The following TRPC5 variants were observed in gnomAD, a reference collection of about 807,000 sequenced individuals.
TRPC5 encodes transient receptor potential cation channel subfamily C member 5.
In TRPC5, 9 loss-of-function variants were observed where a neutral mutation model predicts 56.5. The observed-to-expected ratio is 0.16, with a 90% CI of 0.10 to 0.28. TRPC5 has a LOEUF of 0.28. TRPC5 is among the 10% of genes least tolerant of loss of function. The pLI, the probability that TRPC5 is intolerant of heterozygous loss-of-function variation, is 1.00. For missense variants in TRPC5, 469 were observed against 748.9 expected, an observed-to-expected ratio of 0.63 and a Z score of 4.36; for synonymous variants, 282 against 278.5, an observed-to-expected ratio of 1.01 and a Z score of -0.13.
chrX:111,977,131 G>GA (rs200098509), intron 1 of TRPC5, among the ~76,000 whole-genome samples: 86 of 109,125 alleles, frequency 7.9e-4, no homozygotes, highest in South Asian at 2.7e-3. Flanking sequence ...TTAAAAAATA[G>GA]AAAAAAAAAT....
chrX:112,077,840 C>A (rs1602427490), intron 1 of TRPC5, among the ~76,000 whole-genome samples: 1 of 112,171 alleles, frequency 8.9e-6, no homozygotes, highest in South Asian at 3.7e-4. Context: ...TTGTACTCTG[C>A]TCTAAAAACC....
Position 111,853,981 on chromosome X carries a change from G to A in TRPC5, c.1026C>T (p.Pro342=). Residue 342 remains proline, a synonymous_variant, in exon 4 of 11, where the codon CCC becomes CCT. Transcript: ENST00000262839. ...AGATCAGGTAGGCTATAGACAGCAT[G>A]GGAAACAGGAACCCAATGGTCATGC... is the stretch of plus-strand genomic sequence containing the variant. ...LTCMTIGFLF[P]MLSIAYLISP... 1 of 1,211,936 alleles carries A rather than the reference G, an allele frequency of 8.3e-7. No homozygotes were observed. The highest frequency in any genetic ancestry group is 1.1e-6 in the Non-Finnish European group (1 of 895,541).
At chrX:111,927,617 G>A (rs1926294172) in intron 2 of TRPC5, among the ~76,000 whole-genome samples, 1 of 110,764 alleles carries the variant, frequency 9.0e-6, no homozygotes, top group Admixed American at 9.6e-5. Flanking sequence ...CAGGGAACTG[G>A]GCAGGTCATT....
At chrX:111,792,109 A>G (rs907512183) in intron 7 of TRPC5, among the ~76,000 whole-genome samples, 3 of 112,313 alleles carry the variant, frequency 2.7e-5, no homozygotes, top group African/African-American at 9.7e-5. Flanking sequence ...CATATACACC[A>G]TGGAATACTA....
chrX:111,894,958 T>C (rs1924992522), intron 3 of TRPC5, among the ~76,000 whole-genome samples: 1 of 110,879 alleles, frequency 9.0e-6, no homozygotes, highest in Non-Finnish European at 1.9e-5. Flanking sequence ...GTAAATGTAG[T>C]GATATGGTAG....
chrX:111,783,722 T>G (rs1401794969), intron 7 of TRPC5, among the ~76,000 whole-genome samples: 1 of 111,156 alleles, frequency 9.0e-6, no homozygotes, highest in Non-Finnish European at 1.9e-5. Context: ...CTTTTCATTC[T>G]CTTAATGATG....
chrX:112,042,353 C>A (rs1179291998), intron 1 of TRPC5, among the ~76,000 whole-genome samples: 1 of 111,164 alleles, frequency 9.0e-6, no homozygotes, highest in Admixed American at 9.6e-5. Context: ...CACATTGGAC[C>A]TGGGGACTCT....
At chrX:111,957,480 A>T (rs192932162) in intron 1 of TRPC5, among the ~76,000 whole-genome samples, 1 of 112,281 alleles carries the variant, frequency 8.9e-6, no homozygotes, top group Non-Finnish European at 1.9e-5. Flanking sequence ...ACTTTTAGAC[A>T]GTTACCACTG....
chrX:111,912,145 C>G, intron 3 of TRPC5, 146 bp downstream of exon 3: 1 of 616,903 alleles, frequency 1.6e-6, no homozygotes, highest in Middle Eastern at 5.5e-4. Flanking sequence ...TTGTCTGTGC[C>G]TCGGATAAAT....
chrX:111,906,491 G>A (rs1243208589), intron 3 of TRPC5, among the ~76,000 whole-genome samples: 1 of 111,763 alleles, frequency 8.9e-6, no homozygotes, highest in Non-Finnish European at 1.9e-5. Flanking sequence ...TAAACTTGGG[G>A]GAACACGCCT....
chrX:111,891,644 G>A (rs777415953), intron 3 of TRPC5, among the ~76,000 whole-genome samples: 2 of 111,397 alleles, frequency 1.8e-5, no homozygotes, highest in African/African-American at 3.3e-5. Flanking sequence ...GGGTTCAAGC[G>A]ATTCTCCTGC....
At chrX:111,846,468 G>A (rs1452892457) in intron 6 of TRPC5, among the ~76,000 whole-genome samples, 7 of 112,069 alleles carry the variant, frequency 6.2e-5, no homozygotes, top group Non-Finnish European at 1.3e-4. Flanking sequence ...CTAAGCAAAG[G>A]CACAGGAGTT....
intron 6 of TRPC5, among the ~76,000 whole-genome samples, chrX:111,837,930 G>C (rs1401841514): frequency 3.9e-5 from 4 of 102,233 alleles, no homozygotes; most frequent in African/African-American, 1.5e-4. Context: ...AAAAAAGCCA[G>C]GTATGGTGGC....
intron 1 of TRPC5, among the ~76,000 whole-genome samples, chrX:112,034,302 T>A (rs1929666155): frequency 9.2e-6 from 1 of 108,705 alleles, no homozygotes; most frequent in South Asian, 3.8e-4. Context: ...CTTTAATTTC[T>A]TTTATCATTT....
chrX:111,825,150 TCTTTCTTTCTTTC>T (rs1922161457), intron 7 of TRPC5, among the ~76,000 whole-genome samples: 1 of 17,693 alleles, frequency 5.7e-5, no homozygotes, highest in East Asian at 4.7e-3. Flanking sequence ...TTCCTTCCTT[TCTTTCTTTCTTTC>T]TTTCTTTCTT....
intron 6 of TRPC5, among the ~76,000 whole-genome samples, chrX:111,845,501 A>G (rs1334246396): frequency 1.8e-5 from 2 of 111,866 alleles, no homozygotes; most frequent in East Asian, 2.8e-4. Context: ...AGGGGTGTTA[A>G]TAATCATTAC....
chrX:111,794,107 TAGAC>T (rs1171669805), intron 7 of TRPC5, among the ~76,000 whole-genome samples: 1 of 111,962 alleles, frequency 8.9e-6, no homozygotes, highest in Non-Finnish European at 1.9e-5. Context: ...GCTCTGGCAT[TAGAC>T]AGTAGTAAAG....
rs138289881 is a variant in TRPC5, at chrX:111,901,750, C to T, written c.900+10541G>A. On this transcript the variant is annotated intron_variant, in intron 3 of 10. Coordinates refer to ENST00000262839, the MANE Select transcript of TRPC5 (RefSeq NM_012471.3). ...ATCCTAATTTCTGGCCTAAACCAAC[C>T]ACAGAACCATTGTTAGCCCCTTATA... 2.4e-3 allele frequency: 1,563 copies of T among 662,863 alleles called. 15 individuals carry two copies. In the African/African-American group the frequency reaches 0.031, roughly 13 times the overall value. The allele number at this position is 662,863 out of a possible 1,213,427, so 54.6% of individuals were successfully genotyped here.
chrX:111,931,461 T>C (rs1290807858), intron 2 of TRPC5, among the ~76,000 whole-genome samples: 1 of 112,468 alleles, frequency 8.9e-6, no homozygotes, highest in Non-Finnish European at 1.9e-5. Flanking sequence ...AGAAAATTGC[T>C]TAAGTAAATA....
Sources: gnomAD v4.1 joint callset for allele counts (sites outside exome capture counted in the v4.1 genomes callset) on GRCh38, gnomAD v4.1.1 for gene constraint, MANE v1.5 for transcripts, NCBI Gene and HGNC (gene_info 2026-07-23, HGNC 2026-07-21) for gene names.